Variants in PDZD9 observed in about 807,000 individuals in gnomAD.
PDZD9 encodes the protein PDZ domain-containing protein 9.
A neutral mutation model predicts 16.3 loss-of-function variants in PDZD9; 13 were observed. The observed-to-expected ratio is 0.80, with a 90% CI of 0.52 to 1.27. The LOEUF (loss-of-function observed/expected upper bound fraction) is 1.27, where lower values mean the gene tolerates loss of function less well. Ranked by LOEUF, PDZD9 falls within the 50% of genes most tolerant of loss-of-function variation. The pLI is 0.00. For synonymous variants in PDZD9, 120 were observed against 111.0 expected, an observed-to-expected ratio of 1.08 and a Z score of -0.51; for missense variants, 288 against 310.9, an observed-to-expected ratio of 0.93 and a Z score of 0.55.
the PDZD9 span, among the ~76,000 whole-genome samples, chr16:21,977,858 C>T: frequency 6.6e-6 from 1 of 152,248 alleles, no homozygotes; most frequent in East Asian, 1.9e-4. Context: ...GCTGAGCACA[C>T]TACAAAGTTG....
At chr16:21,972,265 A>G in the PDZD9 span, 12 of 1,126,470 alleles carry the variant, frequency 1.1e-5, no homozygotes, top group African/African-American at 1.7e-4. Flanking sequence ...GCTTGATTTT[A>G]GTATCTTTGA....
downstream of PDZD9, among the ~76,000 whole-genome samples, chr16:21,981,405 G>A (rs188704190): frequency 7.2e-5 from 11 of 152,006 alleles, no homozygotes; most frequent in Admixed American, 6.6e-4. Flanking sequence ...TAGATGTCTC[G>A]GCCATCTTCT....
At chr16:21,992,542 A>G (rs1899048594) in intron 2 of PDZD9, among the ~76,000 whole-genome samples, 2 of 152,194 alleles carry the variant, frequency 1.3e-5, no homozygotes, top group Non-Finnish European at 2.9e-5. Context: ...CAAGGCTAGA[A>G]AAAGCAGGTG....
At chr16:21,969,612 T>C in the PDZD9 span, among the ~76,000 whole-genome samples, 1 of 152,230 alleles carries the variant, frequency 6.6e-6, no homozygotes, top group Non-Finnish European at 1.5e-5. Context: ...TTAGGTCAAG[T>C]TTACAAAGTA....
the PDZD9 span, among the ~76,000 whole-genome samples, chr16:21,970,928 G>T: frequency 6.8e-6 from 1 of 147,136 alleles, no homozygotes; most frequent in Non-Finnish European, 1.5e-5. Context: ...CCATTTTTAA[G>T]TTTTTTTTTT....
the PDZD9 span, among the ~76,000 whole-genome samples, chr16:21,977,532 G>T: frequency 6.6e-6 from 1 of 152,068 alleles, no homozygotes; most frequent in Non-Finnish European, 1.5e-5. Flanking sequence ...ATACTTGTCT[G>T]CTATTTGGCA....
the PDZD9 span, among the ~76,000 whole-genome samples, chr16:21,973,220 A>T: frequency 6.6e-6 from 1 of 152,226 alleles, no homozygotes; most frequent in Non-Finnish European, 1.5e-5. Context: ...ACTTGTTAAA[A>T]ATCTGGGCTT....
At chr16:21,983,274 A>G (rs1015854970), downstream of PDZD9, 3 of 1,050,830 alleles carry the variant, frequency 2.9e-6, no homozygotes, top group African/African-American at 3.3e-5. Context: ...TCTTTTTTCC[A>G]GTGAGGTAAA....
the PDZD9 span, among the ~76,000 whole-genome samples, chr16:21,978,473 A>G: frequency 2.0e-5 from 3 of 152,320 alleles, no homozygotes; most frequent in African/African-American, 7.2e-5. Context: ...TTTTGTGCCC[A>G]TATTTAAGCT....
chr16:21,974,046 C>T, the PDZD9 span: 1,257 of 1,410,748 alleles, frequency 8.9e-4, 10 homozygotes, highest in African/African-American at 0.014. Context: ...AACATGTTTT[C>T]GGTTAAAATA....
At chr16:21,983,387 G>A, downstream of PDZD9, 1 of 520,934 alleles carries the variant, frequency 1.9e-6, no homozygotes, top group Admixed American at 3.7e-5. Flanking sequence ...TAATCAACAA[G>A]TATTTATTAT....
chr16:21,983,072 G>C (rs541178433), downstream of PDZD9: 164 of 1,606,568 alleles, frequency 1.0e-4, no homozygotes, highest in Admixed American at 2.8e-3. Flanking sequence ...TTTGTCTTTT[G>C]TTTGTTTCTT....
chr16:21,976,421 G>A, the PDZD9 span: 2 of 538,736 alleles, frequency 3.7e-6, no homozygotes, highest in Non-Finnish European at 6.4e-6. Flanking sequence ...TTTTGGCCAG[G>A]CACAGTGGCT....
chr16:21,998,774 T>C (rs868467329), intron 1 of PDZD9: 2 of 90,316 alleles, frequency 2.2e-5, no homozygotes, highest in Non-Finnish European at 3.9e-5. Flanking sequence ...CAAGACTCCA[T>C]CTCAAAAAAA....
In PDZD9 at chr16:21,984,520, G is replaced by T; in HGVS notation, c.542C>A (p.Ser181Tyr). The T allele has an allele frequency of 3.1e-6, 5 of 1,607,498 alleles. No individual in the cohort carries two copies. The highest frequency in any genetic ancestry group is 4.3e-6 in the Non-Finnish European group (5 of 1,174,426). The change falls in exon 4 of 4, where the codon TCC (serine) becomes TAC (tyrosine). Residue 181 changes from serine to tyrosine, a missense_variant. Physicochemically the swap from Ser to Tyr is moderately radical, Grantham distance 144. Transcript: ENST00000424898. ...TVHHPARRPI[S>Y]ISRDWHGYKK... ...ATATCCATGCCAGTCTCTGGAGATG[G>T]ATATTGGTCTCCTTGCAGGGTGATG...
At chr16:21,973,987 A>G in the PDZD9 span, 15 of 1,594,196 alleles carry the variant, frequency 9.4e-6, no homozygotes, top group Non-Finnish European at 1.2e-5. Flanking sequence ...GTAAGTTGCA[A>G]ACTCACCAAA....
chr16:21,998,033 G>C (rs916851072), intron 1 of PDZD9, among the ~76,000 whole-genome samples: 5 of 152,116 alleles, frequency 3.3e-5, no homozygotes, highest in African/African-American at 1.2e-4. Context: ...CCAAACCACA[G>C]ATGCTCTCTG....
chr16:21,987,974 G>A (rs1020301060), intron 3 of PDZD9, among the ~76,000 whole-genome samples: 3 of 150,690 alleles, frequency 2.0e-5, no homozygotes, highest in African/African-American at 4.9e-5. Flanking sequence ...AGTTGAATAC[G>A]GAAAAGAAAA....
the PDZD9 span, among the ~76,000 whole-genome samples, chr16:21,973,352 G>A: frequency 6.6e-5 from 10 of 152,088 alleles, no homozygotes; most frequent in African/African-American, 2.4e-4. Flanking sequence ...TGCAAATCGG[G>A]TTCACCCTAG....
Sources: allele counts gnomAD v4.1 joint callset (sites outside exome capture counted in the v4.1 genomes callset), GRCh38; gene constraint gnomAD v4.1.1; transcripts MANE v1.5; gene names NCBI Gene and HGNC (gene_info 2026-07-23, HGNC 2026-07-21).